Variants in MCM3 observed in about 807,000 individuals in gnomAD.
MCM3 encodes DNA replication licensing factor MCM3.
In MCM3, 59 loss-of-function variants were observed where a neutral mutation model predicts 91.3. That is an observed-to-expected ratio of 0.65 (90% CI 0.52 to 0.80). The LOEUF (loss-of-function observed/expected upper bound fraction) is 0.80. Among genes scored for constraint, MCM3 ranks in the 30% least tolerant of loss-of-function variants. The pLI is 0.00. For missense variants in MCM3, 919 were observed against 1,035.4 expected (o/e 0.89, Z 1.54); for synonymous variants, 383 against 379.6 (o/e 1.01, Z -0.10).
At chr6:52,269,299 G>T (rs1033747762) in intron 12 of MCM3, 73 bp from the exon 13 acceptor site, 117 of 1,481,174 alleles carry the variant, frequency 7.9e-5, no homozygotes, top group Non-Finnish European at 9.6e-5. Context: ...GCACAGAAAG[G>T]GAAATGACAC....
chr6:52,276,055 T>C, intron 9 of MCM3: 1 of 565,578 alleles, frequency 1.8e-6, no homozygotes, highest in South Asian at 2.1e-5. Context: ...TGTTAAAAAG[T>C]TACTTTTAAA....
At chr6:52,277,787 G>C in intron 6 of MCM3, 99 bp from the exon 7 acceptor site, 1 of 1,084,686 alleles carries the variant, frequency 9.2e-7, no homozygotes, top group Non-Finnish European at 1.3e-6. Context: ...ACTTGAAGAG[G>C]GCCAGGCGCA....
intron 13 of MCM3, 30 bp from the exon 14 acceptor site, chr6:52,267,998 G>A: frequency 6.2e-7 from 1 of 1,613,900 alleles, no homozygotes; most frequent in Non-Finnish European, 8.5e-7. Context: ...GGCTGGGCTA[G>A]AGGGGTCACT....
At position 52,283,315 on chromosome 6, in the gene MCM3, T is replaced by C; in HGVS notation, c.170A>G (p.Lys57Arg). 2 of 1,614,154 alleles carry C rather than the reference T, an allele frequency of 1.2e-6. No homozygotes were observed. The highest frequency in any genetic ancestry group is 1.7e-6 in the Non-Finnish European group (2 of 1,180,000). Residue 57 changes from lysine (K) to arginine (R), a missense_variant, in exon 2 of 17, where the codon AAA becomes AGA. Transcript: ENST00000596288. ...TCACCGGTTAGCCCTCTTCTCGTTT[T>C]TCCTGCGCAGGTCATTCACATTGAC... Reference protein sequence around the residue: ...LIVNVNDLRRKNEKRANRLLN... With the variant: ...LIVNVNDLRRRNEKRANRLLN...
At chr6:52,278,280 G>T (rs1048660418) in intron 6 of MCM3, among the ~76,000 whole-genome samples, 1 of 152,028 alleles carries the variant, frequency 6.6e-6, no homozygotes, top group Non-Finnish European at 1.5e-5. Flanking sequence ...AACATTTTAG[G>T]TTTAATAAGA....
In MCM3 at chr6:52,278,760, G is replaced by C. The variant is rs749506546; in HGVS notation, c.861C>G (p.Phe287Leu). 2 of 1,613,068 alleles carry C rather than the reference G, an allele frequency of 1.2e-6. No individual in the cohort carries two copies. Among genetic ancestry groups the C allele is most frequent in the East Asian group, 4.5e-5 (2 of 44,868 alleles). The change falls in exon 6 of 17, where the codon TTC becomes TTG. Residue 287 changes from phenylalanine to leucine, a missense_variant. Coordinates refer to ENST00000596288, the MANE Select transcript of MCM3 (RefSeq NM_002388.6). ...CCCAGACCTTGGATCGGGTTTTACTGAACTTCTTGATCTTGGCTATATCCT... is the reference window on the plus strand; with the variant it reads ...CCCAGACCTTGGATCGGGTTTTACTCAACTTCTTGATCTTGGCTATATCCT... ...SAEDIAKIKK[F>L]SKTRSKDIFD...
At chr6:52,284,312 G>A (rs1766446262) in intron 1 of MCM3, among the ~76,000 whole-genome samples, 2 of 152,202 alleles carry the variant, frequency 1.3e-5, no homozygotes, top group Non-Finnish European at 2.9e-5. Flanking sequence ...AAAGGCCGAG[G>A]TGGGCTTTGC....
chr6:52,276,526 C>A (rs1765582351), intron 8 of MCM3, 50 bp from the exon 9 acceptor site: 8 of 1,445,170 alleles, frequency 5.5e-6, no homozygotes, highest in Non-Finnish European at 7.7e-6. Flanking sequence ...GTTATAGGGG[C>A]CAGAAGGGAA....
chr6:52,274,011 T>C, intron 9 of MCM3, 95 bp from the exon 10 acceptor site: 1 of 986,456 alleles, frequency 1.0e-6, no homozygotes, highest in Non-Finnish European at 1.5e-6. Context: ...ATGAAAGGCT[T>C]GACCTCAAAG....
chr6:52,283,282 C>T lies in MCM3; in HGVS notation c.191+12G>A. The T allele has an allele frequency of 6.2e-7, 1 of 1,609,164 alleles. No homozygotes were observed. Among genetic ancestry groups the T allele is most frequent in the Non-Finnish European group, 8.5e-7 (1 of 1,175,548 alleles). ...TTCTCACTGACAGCCAGTATATCCC[C>T]TTGCCTCTCACCGGTTAGCCCTCTT... On this transcript the variant is annotated intron_variant, in intron 2 of 16. Coordinates refer to ENST00000596288, the MANE Select transcript of MCM3 (RefSeq NM_002388.6).
chr6:52,281,900 C>T, intron 4 of MCM3, 145 bp downstream of exon 4: 1 of 655,348 alleles, frequency 1.5e-6, no homozygotes, highest in South Asian at 3.3e-5. Flanking sequence ...TAAACTCTGG[C>T]CTGCAATCAA....
Position 52,273,796 on chromosome 6 carries a change from C to T in MCM3, c.1495G>A (p.Asp499Asn). 1.9e-6 allele frequency: 3 copies of T among 1,614,086 alleles called. No homozygotes were observed. The East Asian group carries it at 6.7e-5, about 36-fold the overall frequency. The change falls in exon 10 of 17, where the codon GAC becomes AAC. Residue 499 changes from aspartate (D) to asparagine (N), a missense_variant. This residue lies in a region of MCM3 where 233 missense variants were observed against 321.2 expected (regional missense o/e 0.73). Coordinates refer to ENST00000596288, the MANE Select transcript of MCM3 (RefSeq NM_002388.6). The stretch of plus-strand genomic sequence containing the variant: ...TAACGGTGCATCCGAAGGACATGGT[C>T]TGAGATCTCCCGATCCTGCTCAGGA... ...MDPEQDREIS[D>N]HVLRMHRYRA...
chr6:52,269,256 C>T, intron 12 of MCM3, 30 bp from the exon 13 acceptor site: 2 of 1,589,394 alleles, frequency 1.3e-6, no homozygotes, highest in African/African-American at 1.3e-5. Context: ...ATTGCTTATC[C>T]CAAGTCTTTT....
At position 52,273,220 on chromosome 6, in the gene MCM3, G is replaced by A. The variant is rs746711435; in HGVS notation, c.1676+10C>T. On this transcript the variant is annotated intron_variant, in intron 11 of 16. Coordinates refer to ENST00000596288, the MANE Select transcript of MCM3 (RefSeq NM_002388.6). ...AGGTTCCCTTGAGGAAGAGTTATGA[G>A]AATGCTCACTTTTTCTTCTTGGTCC... 1.2e-6 allele frequency: 2 copies of A among 1,614,116 alleles called. No individual in the cohort carries two copies.
At position 52,282,132 on chromosome 6, in the gene MCM3, A is replaced by G; in HGVS notation, c.444T>C (p.Cys148=). 6.2e-7 allele frequency: 1 copy of G among 1,614,092 alleles called. No individual in the cohort carries two copies. Among genetic ancestry groups the G allele is most frequent in the Non-Finnish European group, 8.5e-7 (1 of 1,179,946 alleles). ...RPKVVRSVHY[C]PATKKTIERR... ...GCTCTATGGTCTTCTTAGTAGCAGG[A>G]CAGTAGTGGACACTGCGGACGACTT... The change falls in exon 4 of 17, where the codon TGT becomes TGC. Residue 148 remains cysteine, a synonymous_variant. Coordinates refer to ENST00000596288, the MANE Select transcript of MCM3 (RefSeq NM_002388.6).
intron 11 of MCM3, among the ~76,000 whole-genome samples, chr6:52,272,785 G>A (rs574048069): frequency 8.5e-5 from 13 of 152,300 alleles, no homozygotes; most frequent in Admixed American, 3.3e-4. Flanking sequence ...TGAAGATTAT[G>A]CTATGCTTCT....
intron 14 of MCM3, 63 bp from the exon 15 acceptor site, chr6:52,266,759 C>T: frequency 3.3e-6 from 4 of 1,210,362 alleles, no homozygotes; most frequent in Non-Finnish European, 4.9e-6. Context: ...AAGGAAGCCC[C>T]ATCACGTGCC....
At chr6:52,281,945 T>C in intron 4 of MCM3, 100 bp downstream of exon 4, 1 of 1,265,260 alleles carries the variant, frequency 7.9e-7, no homozygotes, top group Non-Finnish European at 1.1e-6. Context: ...TTTTCACCCT[T>C]TACAGAAAAA....
Position 52,277,618 on chromosome 6 carries a change from A to C in MCM3, c.950T>G (p.Ile317Ser), listed in dbSNP as rs138314012. ...IHGHDYVKKAILCLLLGGVER... is the reference protein window; with the variant it reads ...IHGHDYVKKASLCLLLGGVER... ...CACCCCTCCCAAGAGCAAGCAGAGG[A>C]TTGCTTTCTTGACATAGTCATGCCC... Residue 317 changes from isoleucine (I) to serine (S), a missense_variant, in exon 7 of 17, where the codon ATC becomes AGC. By Grantham distance (142) the Ile-to-Ser change is moderately radical. Transcript: ENST00000596288. 6.2e-7 allele frequency: 1 copy of C among 1,613,772 alleles called. No individual in the cohort carries two copies. The highest frequency in any genetic ancestry group is 1.3e-5 in the African/African-American group (1 of 74,854).
Sources: gnomAD v4.1 joint callset for allele counts (sites outside exome capture counted in the v4.1 genomes callset) on GRCh38, gnomAD v4.1.1 for gene constraint, gnomAD v4.1.1 regional missense constraint, MANE v1.5 for transcripts, NCBI Gene and HGNC (gene_info 2026-07-23, HGNC 2026-07-21) for gene names.